PRR5L: variants seen among roughly 807,000 people sequenced by gnomAD.
PRR5L encodes the protein proline rich 5 like.
Under a neutral mutation model 36.4 loss-of-function variants are expected in PRR5L, and 21 were observed. The observed-to-expected ratio is 0.58, with a 90% confidence interval of 0.41 to 0.83. The LOEUF (loss-of-function observed/expected upper bound fraction) is 0.83. Among genes scored for constraint, PRR5L ranks in the 40% least tolerant of loss-of-function variants. The pLI is 0.00. For missense variants in PRR5L, 381 were observed against 473.3 expected (o/e 0.80, Z 1.81); for synonymous variants, 188 against 197.0 (o/e 0.95, Z 0.38).
At chr11:36,430,771 C>T (rs1564946848) in intron 4 of PRR5L, among the ~76,000 whole-genome samples, 3 of 152,132 alleles carry the variant, frequency 2.0e-5, no homozygotes. Flanking sequence ...ATATGAGGAG[C>T]TTGGGACTCA....
intron 1 of PRR5L, among the ~76,000 whole-genome samples, chr11:36,322,792 C>T (rs1267880119): frequency 6.6e-6 from 1 of 152,150 alleles, no homozygotes; most frequent in Non-Finnish European, 1.5e-5. Flanking sequence ...ACCCCTCATA[C>T]CTATGAATGT....
At chr11:36,357,573 C>G (rs548639391) in intron 1 of PRR5L, among the ~76,000 whole-genome samples, 31 of 152,228 alleles carry the variant, frequency 2.0e-4, no homozygotes, top group African/African-American at 7.5e-4. Context: ...TTTCAAAATC[C>G]TAGGGCCCTT....
intron 6 of PRR5L, among the ~76,000 whole-genome samples, chr11:36,440,063 C>T (rs529007863): frequency 6.6e-5 from 10 of 152,196 alleles, no homozygotes; most frequent in African/African-American, 2.2e-4. Context: ...CCCAAATGAC[C>T]CTCTAAGAAA....
chr11:36,384,208 A>G (rs1252120456), intron 1 of PRR5L, among the ~76,000 whole-genome samples: 1 of 152,114 alleles, frequency 6.6e-6, no homozygotes, highest in Non-Finnish European at 1.5e-5. Context: ...CAGGCCCCAT[A>G]TTCTTTAGTG....
At chr11:36,434,478 T>C (rs373334703) in intron 5 of PRR5L, among the ~76,000 whole-genome samples, 204 of 152,304 alleles carry the variant, frequency 1.3e-3, no homozygotes, top group African/African-American at 4.7e-3. Flanking sequence ...CACCCCTTCT[T>C]TACTGATGCA....
At chr11:36,329,475 G>A (rs968173108) in intron 1 of PRR5L, 1 of 152,168 alleles carries the variant, frequency 6.6e-6, no homozygotes, top group African/African-American at 2.4e-5. Context: ...AATAGGACTG[G>A]AATCTGATAA....
chr11:36,299,326 C>G (rs1856348097), intron 1 of PRR5L, among the ~76,000 whole-genome samples: 1 of 152,194 alleles, frequency 6.6e-6, no homozygotes, highest in Non-Finnish European at 1.5e-5. Flanking sequence ...TCCAGGGACA[C>G]AGCATCTTGG....
intron 1 of PRR5L, among the ~76,000 whole-genome samples, chr11:36,298,998 A>G (rs185107156): frequency 6.6e-6 from 1 of 152,292 alleles, no homozygotes; most frequent in East Asian, 1.9e-4. Context: ...CCTGCTTCTA[A>G]ATGCAGTCAC....
At chr11:36,397,028 G>T (rs768919854) in intron 1 of PRR5L, among the ~76,000 whole-genome samples, 2 of 151,568 alleles carry the variant, frequency 1.3e-5, no homozygotes, top group Non-Finnish European at 2.9e-5. Flanking sequence ...GTGACTTTGG[G>T]TAGGTTACCT....
At chr11:36,376,254 T>G in intron 1 of PRR5L, 1 of 1,196,988 alleles carries the variant, frequency 8.4e-7, no homozygotes, top group Non-Finnish European at 1.1e-6. Flanking sequence ...TGGGGGACAT[T>G]GGAGAGACAC....
chr11:36,367,945 T>C (rs767686099), intron 1 of PRR5L, among the ~76,000 whole-genome samples: 5 of 151,820 alleles, frequency 3.3e-5, no homozygotes, highest in Middle Eastern at 3.2e-3. Context: ...ATAGTATATC[T>C]CGGGGGAGCT....
At chr11:36,458,601 A>G (rs2133636875) in intron 8 of PRR5L, among the ~76,000 whole-genome samples, 1 of 152,354 alleles carries the variant, frequency 6.6e-6, no homozygotes, top group South Asian at 2.1e-4. Context: ...CGATGACGGG[A>G]GCTGCTGTGA....
At chr11:36,374,968 C>T (rs1189193217) in intron 1 of PRR5L, among the ~76,000 whole-genome samples, 1 of 152,166 alleles carries the variant, frequency 6.6e-6, no homozygotes, top group Non-Finnish European at 1.5e-5. Flanking sequence ...GGCACGGTGG[C>T]TTATGCCTAT....
At chr11:36,415,008 G>T (rs904231430) in intron 3 of PRR5L, among the ~76,000 whole-genome samples, 6 of 144,482 alleles carry the variant, frequency 4.2e-5, no homozygotes, top group Admixed American at 2.1e-4. Context: ...GTTTGTCAAA[G>T]ATCAGATAGT....
At position 36,356,029 on chromosome 11, in the gene PRR5L, A is replaced by AGC. The variant is rs555527906; in HGVS notation, c.-125-44967_-125-44966dup. Among the ~76,000 whole-genome samples the AGC allele has an allele frequency of 1.5e-3, 228 of 152,068 alleles. 2 individuals are homozygous for AGC. Among genetic ancestry groups the AGC allele is most frequent in the Middle Eastern group, 6.8e-3 (2 of 294 alleles). On this transcript the variant is annotated intron_variant, in intron 1 of 8. Transcript: ENST00000530639. ...CAGGCTCAAATGATCCTCCAGCCTCAGCCCTTCAAGTAGCTGGGACTACAG... is the reference window on the plus strand; with the variant it reads ...CAGGCTCAAATGATCCTCCAGCCTCAGCGCCCTTCAAGTAGCTGGGACTACAG...
At chr11:36,438,960 T>C (rs1421858173) in intron 6 of PRR5L, among the ~76,000 whole-genome samples, 1 of 152,190 alleles carries the variant, frequency 6.6e-6, no homozygotes, top group Non-Finnish European at 1.5e-5. Flanking sequence ...TACGGGATGT[T>C]GAGTTATATT....
chr11:36,438,355 C>T (rs1442002369), intron 6 of PRR5L, among the ~76,000 whole-genome samples: 1 of 152,244 alleles, frequency 6.6e-6, no homozygotes, highest in East Asian at 1.9e-4. Flanking sequence ...CAGAGGAACA[C>T]AGCCATTAAG....
intron 5 of PRR5L, among the ~76,000 whole-genome samples, chr11:36,435,523 G>A (rs952482613): frequency 6.6e-5 from 10 of 152,204 alleles, no homozygotes; most frequent in African/African-American, 2.2e-4. Flanking sequence ...GTTAGGTAAA[G>A]AAGGGAGAGA....
At chr11:36,401,685 G>A (rs330263) in intron 2 of PRR5L, among the ~76,000 whole-genome samples, 117,582 of 152,066 alleles carry the variant, frequency 0.77, 47,211 homozygotes, top group East Asian at 0.92. Context: ...CTCCCACCTC[G>A]GCCTTCCAAA....
Sources: allele counts gnomAD v4.1 joint callset (sites outside exome capture counted in the v4.1 genomes callset), GRCh38; gene constraint gnomAD v4.1.1; transcripts MANE v1.5; gene names NCBI Gene and HGNC (gene_info 2026-07-23, HGNC 2026-07-21).